Variants in TENM2 observed in about 807,000 individuals in gnomAD.
The protein encoded by TENM2 is teneurin transmembrane protein 2.
Under a neutral mutation model 245.2 loss-of-function variants are expected in TENM2, and 52 were observed. The ratio of observed to expected loss-of-function variants is 0.21; its 90% CI spans 0.17 to 0.27. TENM2 has a LOEUF of 0.27. Among genes scored for constraint, TENM2 ranks in the 10% least tolerant of loss-of-function variants. TENM2 has a pLI of 1.00. For missense variants in TENM2, 3,046 were observed against 3,666.8 expected (o/e 0.83, Z 4.37); for synonymous variants, 1,363 against 1,438.9 (o/e 0.95, Z 1.19).
chr5:167,155,066 G>A, the TENM2 span, among the ~76,000 whole-genome samples: 1 of 152,158 alleles, frequency 6.6e-6, no homozygotes, highest in Non-Finnish European at 1.5e-5. Flanking sequence ...TGATGAATTG[G>A]TAAAGACAAA....
At chr5:168,082,677 G>A (rs561997840) in intron 7 of TENM2, among the ~76,000 whole-genome samples, 1 of 152,282 alleles carries the variant, frequency 6.6e-6, no homozygotes, top group South Asian at 2.1e-4. Context: ...TAACAGTCAG[G>A]ACCCTCAGCT....
chr5:167,192,727 C>T, the TENM2 span, among the ~76,000 whole-genome samples: 89 of 152,084 alleles, frequency 5.9e-4, no homozygotes, highest in African/African-American at 2.1e-3. Context: ...TGCTCATATT[C>T]GCTATGGTTA....
the TENM2 span, among the ~76,000 whole-genome samples, chr5:167,055,209 G>A: frequency 3.9e-5 from 6 of 152,158 alleles, no homozygotes; most frequent in East Asian, 9.6e-4. Flanking sequence ...TTTGTGAAGG[G>A]CACAACATCT....
intron 2 of TENM2, among the ~76,000 whole-genome samples, chr5:167,842,859 A>G (rs1045562991): frequency 6.6e-6 from 1 of 152,166 alleles, no homozygotes; most frequent in Non-Finnish European, 1.5e-5. Flanking sequence ...CCAGTGGCGC[A>G]CACTTAGCCG....
chr5:168,004,517 G>GCGCGCA (rs898616203), intron 5 of TENM2, among the ~76,000 whole-genome samples: 2,545 of 132,134 alleles, frequency 0.019, 85 homozygotes, highest in Admixed American at 0.072. Context: ...GCGCGCGCGC[G>GCGCGCA]CACACACACA....
Position 167,490,034 on chromosome 5 carries a change from T to A in TENM2, c.502+114561T>A, listed in dbSNP as rs76804679. Among the ~76,000 whole-genome samples the A allele has an allele frequency of 8.7e-4, 133 of 152,284 alleles. 1 individual carries two copies. The East Asian group carries it at 0.021, about 24-fold the overall frequency. ...ATAAATATTTGTACAACCTTCAGAT[T>A]ATTATCTTAGCATTACTTTTCTGCA... is the stretch of plus-strand genomic sequence containing the variant. On this transcript the variant is annotated intron_variant, in intron 2 of 28. Coordinates refer to ENST00000518659, the Ensembl canonical transcript of TENM2.
rs114878292 is a variant in TENM2, at chr5:167,420,284, T to C, written c.502+44811T>C. Reference sequence around the variant, plus strand: ...ATCCAGTTCTCAAAAACAATCTGATTTTTAAATGATGTCAAATTATTCAAG... The same window carrying C: ...ATCCAGTTCTCAAAAACAATCTGATCTTTAAATGATGTCAAATTATTCAAG... On this transcript the variant is annotated intron_variant, in intron 2 of 28. Coordinates refer to ENST00000518659, the Ensembl canonical transcript of TENM2. Among the ~76,000 whole-genome samples the C allele has an allele frequency of 7.3e-3, 1,105 of 152,326 alleles. 19 individuals carry two copies. The highest frequency in any genetic ancestry group is 0.025 in the African/African-American group (1,051 of 41,566).
intron 12 of TENM2, among the ~76,000 whole-genome samples, chr5:168,155,342 G>C (rs1757057488): frequency 7.5e-6 from 1 of 132,538 alleles, no homozygotes; most frequent in African/African-American, 2.9e-5. Flanking sequence ...CACAGCTCCA[G>C]GGAAAACAAA....
chr5:167,210,266 T>C, the TENM2 span, among the ~76,000 whole-genome samples: 1 of 152,198 alleles, frequency 6.6e-6, no homozygotes, highest in Non-Finnish European at 1.5e-5. Context: ...GCACATTTCT[T>C]ACCACCTTAC....
At chr5:167,588,248 T>C (rs1775638194) in intron 2 of TENM2, among the ~76,000 whole-genome samples, 1 of 152,246 alleles carries the variant, frequency 6.6e-6, no homozygotes, top group African/African-American at 2.4e-5. Flanking sequence ...GTATTCAAAA[T>C]ATCTTGATTG....
intron 2 of TENM2, among the ~76,000 whole-genome samples, chr5:167,450,892 C>G (rs1248795348): frequency 6.6e-6 from 1 of 152,122 alleles, no homozygotes; most frequent in East Asian, 1.9e-4. Flanking sequence ...CTATTAATAT[C>G]ACATCATATT....
upstream of TENM2, among the ~76,000 whole-genome samples, chr5:167,280,454 CCTGGCT>C: frequency 1.3e-5 from 2 of 152,244 alleles, no homozygotes; most frequent in Admixed American, 6.5e-5. Flanking sequence ...GGCTGAAAGT[CCTGGCT>C]CTCCTGTACT....
At chr5:167,906,308 T>A (rs993139338) in intron 3 of TENM2, among the ~76,000 whole-genome samples, 1 of 152,204 alleles carries the variant, frequency 6.6e-6, no homozygotes, top group Non-Finnish European at 1.5e-5. Flanking sequence ...ATTAAGAACC[T>A]CTTGTGGGTG....
At chr5:168,167,505 A>C (rs549890556) in intron 13 of TENM2, among the ~76,000 whole-genome samples, 1 of 152,182 alleles carries the variant, frequency 6.6e-6, no homozygotes, top group Non-Finnish European at 1.5e-5. Context: ...CAGCGGTGAC[A>C]GTGGAGACCA....
intron 2 of TENM2, among the ~76,000 whole-genome samples, chr5:167,740,846 C>G (rs572573258): frequency 6.6e-6 from 1 of 152,172 alleles, no homozygotes; most frequent in Non-Finnish European, 1.5e-5. Flanking sequence ...CCTAGGCCCT[C>G]CTTGACTTCA....
At chr5:167,425,032 G>C (rs1763730179) in intron 2 of TENM2, among the ~76,000 whole-genome samples, 1 of 152,170 alleles carries the variant, frequency 6.6e-6, no homozygotes, top group Admixed American at 6.5e-5. Flanking sequence ...GTTTTGCACA[G>C]TGCAATTTCA....
At chr5:168,133,053 A>G (rs1363653545) in intron 12 of TENM2, among the ~76,000 whole-genome samples, 2 of 152,210 alleles carry the variant, frequency 1.3e-5, no homozygotes, top group Non-Finnish European at 2.9e-5. Flanking sequence ...ATCCTGGAGC[A>G]AGTCACCAAG....
chr5:167,307,275 C>T (rs182401360), intron 1 of TENM2, among the ~76,000 whole-genome samples: 106 of 152,238 alleles, frequency 7.0e-4, no homozygotes, highest in African/African-American at 2.4e-3. Flanking sequence ...GGGGAAGGCA[C>T]GGGTGAGCGA....
chr5:167,767,725 A>G (rs1763128003), intron 2 of TENM2, among the ~76,000 whole-genome samples: 1 of 152,232 alleles, frequency 6.6e-6, no homozygotes, highest in Non-Finnish European at 1.5e-5. Flanking sequence ...AAAACATTTT[A>G]AAGGAAGAGG....
Sources: allele counts gnomAD v4.1 joint callset (sites outside exome capture counted in the v4.1 genomes callset), GRCh38; gene constraint gnomAD v4.1.1; transcripts MANE v1.5; gene names NCBI Gene and HGNC (gene_info 2026-07-23, HGNC 2026-07-21).